The following RHBDF2 variants were observed in gnomAD, a reference collection of about 807,000 sequenced individuals.
RHBDF2 encodes rhomboid 5 homolog 2, also known as inactive rhomboid protein 2.
Under a neutral mutation model 95.2 loss-of-function variants are expected in RHBDF2, and 38 were observed. The observed-to-expected ratio is 0.40, with a 90% CI of 0.31 to 0.52. The LOEUF (loss-of-function observed/expected upper bound fraction) is 0.52. Ranked by LOEUF, RHBDF2 falls within the 20% of genes least tolerant of loss-of-function variation. The pLI is 0.56. For missense variants in RHBDF2, 863 were observed against 1,137.7 expected (o/e 0.76, Z 3.47); for synonymous variants, 442 against 462.0 (o/e 0.96, Z 0.55).
At chr17:76,477,429 G>A (rs566925979) in intron 7 of RHBDF2, 131 bp from the exon 8 acceptor site, 18 of 1,250,192 alleles carry the variant, frequency 1.4e-5, no homozygotes, top group African/African-American at 1.0e-4. Context: ...CCACATGCCC[G>A]TCAGCCCCAA....
rs368035348 is a variant in RHBDF2 at position 76,475,010 on chromosome 17, T to C, written c.1227+20A>G. 16 of 1,554,908 alleles carry C rather than the reference T, an allele frequency of 1.0e-5. No homozygotes were observed. Among genetic ancestry groups the C allele is most frequent in the Middle Eastern group, 3.3e-4 (2 of 5,992 alleles). ...CTAGGAGAGGCTGGGACCCCCAGCA[T>C]GGAGCCTGACCCGACTCACCAGCTG... On this transcript the variant is annotated intron_variant, in intron 10 of 18. Transcript: ENST00000675367.
At chr17:76,473,127 T>A in intron 16 of RHBDF2, 22 bp from the exon 17 acceptor site, 1 of 1,604,050 alleles carries the variant, frequency 6.2e-7, no homozygotes, top group Non-Finnish European at 8.5e-7. Flanking sequence ...CATATGGTGC[T>A]CAGCGCCCCA....
intron 9 of RHBDF2, chr17:76,476,535 C>T (rs1424963377): frequency 5.3e-6 from 2 of 378,590 alleles, no homozygotes; most frequent in Admixed American, 4.2e-5. Flanking sequence ...ATTTTAGGGC[C>T]TGCAGGCAGT....
At chr17:76,491,049 G>T (rs1345954546) in intron 1 of RHBDF2, among the ~76,000 whole-genome samples, 9 of 152,130 alleles carry the variant, frequency 5.9e-5, no homozygotes, top group Non-Finnish European at 7.4e-5. Context: ...GACAGAAGGG[G>T]TCTCCCTCAT....
intron 4 of RHBDF2, 179 bp from the exon 5 acceptor site, chr17:76,479,456 G>A (rs563075752): frequency 4.1e-5 from 39 of 952,258 alleles, no homozygotes; most frequent in South Asian, 2.9e-4. Flanking sequence ...AGGGGATGAC[G>A]GGAGCGTGAG....
intron 9 of RHBDF2, among the ~76,000 whole-genome samples, chr17:76,475,685 G>A (rs543495446): frequency 5.9e-5 from 9 of 151,732 alleles, no homozygotes; most frequent in African/African-American, 1.5e-4. Flanking sequence ...AGGTTCAAGC[G>A]ATTCTCCTGC....
At position 76,473,656 on chromosome 17, in the gene RHBDF2, G is replaced by T; in HGVS notation, c.1725C>A (p.Thr575=). Residue 575 remains threonine, a synonymous_variant, in exon 15 of 19, where the codon ACC becomes ACA. Coordinates refer to ENST00000675367, the MANE Select transcript of RHBDF2 (RefSeq NM_001005498.4). ...GGGCCCAGGTCGCTCACCTGCCCTT[G>T]GTGCCGATGCAGCAGGGGCGGCCCT... The part of the protein sequence containing the change: ...EIKGRPCCIG[T]KGSCEITTRE... 1 of 1,608,150 alleles carries T rather than the reference G, an allele frequency of 6.2e-7. No individual in the cohort carries two copies. The highest frequency in any genetic ancestry group is 8.5e-7 in the Non-Finnish European group (1 of 1,177,906).
Position 76,471,674 on chromosome 17 carries a change from G to A in RHBDF2, c.2443C>T (p.Arg815Cys), listed in dbSNP as rs780242428. 9.9e-6 allele frequency: 16 copies of A among 1,610,388 alleles called. No homozygotes were observed. The highest frequency in any genetic ancestry group is 2.2e-5 in the East Asian group (1 of 44,756). ...TCCAGCTCATACTTCTCGCAGAAGCGGCTGGTGAAGGGGAAGCAGGTGAGG... is the reference window on the plus strand; with the variant it reads ...TCCAGCTCATACTTCTCGCAGAAGCAGCTGGTGAAGGGGAAGCAGGTGAGG... ...EHLTCFPFTS[R>C]FCEKYELDQV... Residue 815 changes from arginine (R) to cysteine (C), a missense_variant, in exon 19 of 19, where the codon CGC (arginine) becomes TGC (cysteine). This residue lies in a region of RHBDF2 where 252 missense variants were observed against 412.2 expected (regional missense o/e 0.61). Transcript: ENST00000675367.
At chr17:76,489,699 C>G (rs1236282140) in intron 1 of RHBDF2, among the ~76,000 whole-genome samples, 1 of 25,324 alleles carries the variant, frequency 3.9e-5, no homozygotes, top group African/African-American at 4.6e-5. Context: ...CCTCCCGGGG[C>G]CGGGCAGGAT....
intron 9 of RHBDF2, among the ~76,000 whole-genome samples, chr17:76,475,740 G>T (rs1450159286): frequency 6.6e-6 from 1 of 151,542 alleles, no homozygotes; most frequent in South Asian, 2.1e-4. Context: ...CACCATACCT[G>T]CCTAATTTTG....
At position 76,471,525 on chromosome 17, in the gene RHBDF2, G is replaced by A; in HGVS notation, c.*108C>T. ...CACCCAGGTCCAGAGCCCGGGCCCT[G>A]TCTTGGGTCTCTGGCTCTCTGGCAC... On this transcript the variant is annotated 3_prime_UTR_variant, in exon 19 of 19. Transcript: ENST00000675367. 6.2e-6 allele frequency: 8 copies of A among 1,284,136 alleles called. No homozygotes were observed. Among genetic ancestry groups the A allele is most frequent in the Non-Finnish European group, 8.4e-6 (8 of 949,280 alleles). The allele number at this position is 1,284,136 out of a possible 1,614,324, so 79.5% of individuals were successfully genotyped here.
chr17:76,476,731 A>C (rs561109688), intron 9 of RHBDF2, 99 bp downstream of exon 9: 13 of 1,448,424 alleles, frequency 9.0e-6, no homozygotes, highest in Middle Eastern at 5.0e-4. Context: ...GAAGATGCTC[A>C]TGAAACACTT....
At position 76,474,487 on chromosome 17, in the gene RHBDF2, C is replaced by T. The variant is rs1598654420; in HGVS notation, c.1350G>A (p.Lys450=). 6.2e-7 allele frequency: 1 copy of T among 1,614,178 alleles called. No individual in the cohort carries two copies. ...GCACCAGCTGCTCGATCTGCCCGTC[C>T]TTCCGGATGCAGGGTGAGAACTTGG... ...LGAKFSPCIR[K]DGQIEQLVLR... The change falls in exon 12 of 19, where the codon AAG becomes AAA. Residue 450 remains lysine, a synonymous_variant. Coordinates refer to ENST00000675367, the MANE Select transcript of RHBDF2 (RefSeq NM_001005498.4).
chr17:76,495,486 T>C (rs1465224819), intron 1 of RHBDF2, among the ~76,000 whole-genome samples: 1 of 152,236 alleles, frequency 6.6e-6, no homozygotes, highest in East Asian at 1.9e-4. Flanking sequence ...TCAGTTTGTG[T>C]ATGCATAAGA....
chr17:76,480,884 G>A (rs576668644), intron 3 of RHBDF2, among the ~76,000 whole-genome samples: 223 of 152,256 alleles, frequency 1.5e-3, no homozygotes, highest in Non-Finnish European at 2.6e-3. Context: ...GGAAGCCCAC[G>A]CTGCCACAAG....
intron 4 of RHBDF2, 165 bp downstream of exon 4, chr17:76,479,568 C>T: frequency 1.4e-6 from 1 of 728,692 alleles, no homozygotes; most frequent in South Asian, 1.5e-5. Flanking sequence ...ATACCCATTT[C>T]CCCATCTATA....
intron 6 of RHBDF2, among the ~76,000 whole-genome samples, chr17:76,478,419 T>TG (rs1475542811): frequency 6.6e-6 from 1 of 152,204 alleles, no homozygotes; most frequent in African/African-American, 2.4e-5. Context: ...CCCTGAATGG[T>TG]GACCCTCACC....
At chr17:76,480,038 T>TGTGC (rs2073905970) in intron 3 of RHBDF2, 184 bp from the exon 4 acceptor site, 1 of 303,344 alleles carries the variant, frequency 3.3e-6, no homozygotes, top group Non-Finnish European at 6.1e-6. Context: ...TGTGTGTGTG[T>TGTGC]GTGTTTGTAT....
intron 2 of RHBDF2, among the ~76,000 whole-genome samples, chr17:76,486,197 C>T (rs2074125766): frequency 6.6e-6 from 1 of 152,208 alleles, no homozygotes. Context: ...CCAACCTCCA[C>T]TTCCCAGGTT....
Sources: allele counts gnomAD v4.1 joint callset (sites outside exome capture counted in the v4.1 genomes callset), GRCh38; gene constraint gnomAD v4.1.1; regional missense constraint gnomAD v4.1.1; transcripts MANE v1.5; gene names NCBI Gene and HGNC (gene_info 2026-07-23, HGNC 2026-07-21).